CFAP54: variants seen among roughly 807,000 people sequenced by gnomAD.
CFAP54 encodes the protein cilia and flagella associated protein 54, also known as cilia- and flagella-associated protein 54.
Under a neutral mutation model 370.4 loss-of-function variants are expected in CFAP54, and 290 were observed. The observed-to-expected ratio is 0.78, with a 90% CI of 0.71 to 0.86. CFAP54 has a LOEUF of 0.86. Among genes scored for constraint, CFAP54 ranks in the 40% least tolerant of loss-of-function variants. The pLI is 0.00. For synonymous variants in CFAP54, 1,206 were observed against 1,236.5 expected, an observed-to-expected ratio of 0.98 and a Z score of 0.52; for missense variants, 3,399 against 3,528.7, an observed-to-expected ratio of 0.96 and a Z score of 0.93.
intron 22 of CFAP54, among the ~76,000 whole-genome samples, chr12:96,587,605 C>G (rs1390160270): frequency 1.3e-5 from 2 of 152,086 alleles, no homozygotes; most frequent in African/African-American, 4.8e-5. Context: ...ATTTTATAAA[C>G]CTTAATTTTA....
chr12:96,675,224 C>T (rs1467258713), intron 39 of CFAP54, among the ~76,000 whole-genome samples: 1 of 152,116 alleles, frequency 6.6e-6, no homozygotes, highest in African/African-American at 2.4e-5. Context: ...CTACAATGAA[C>T]TCAAACAAAT....
intron 1 of CFAP54, among the ~76,000 whole-genome samples, chr12:96,496,691 A>G (rs1205881674): frequency 1.3e-5 from 2 of 151,862 alleles, no homozygotes; most frequent in South Asian, 2.1e-4. Context: ...CAACATATGA[A>G]TTGGGGGGCA....
At chr12:96,572,211 G>A (rs760070141) in intron 19 of CFAP54, among the ~76,000 whole-genome samples, 11 of 152,142 alleles carry the variant, frequency 7.2e-5, no homozygotes, top group Non-Finnish European at 1.2e-4. Context: ...AGAGGGTGTG[G>A]ACAGGCAAGT....
intron 26 of CFAP54, 93 bp from the exon 27 acceptor site, chr12:96,621,497 T>C: frequency 2.2e-6 from 2 of 913,532 alleles, no homozygotes; most frequent in Non-Finnish European, 3.0e-6. Context: ...CTGAAAACTC[T>C]ATGGGGCTTT....
intron 34 of CFAP54, among the ~76,000 whole-genome samples, chr12:96,648,949 T>C (rs1206916168): frequency 1.3e-5 from 2 of 152,176 alleles, no homozygotes; most frequent in South Asian, 4.1e-4. Context: ...CCTGACTAAT[T>C]TCCACACCCC....
At chr12:96,512,345 A>ATG (rs1955182057) in intron 4 of CFAP54, among the ~76,000 whole-genome samples, 1 of 72,064 alleles carries the variant, frequency 1.4e-5, no homozygotes, top group East Asian at 3.4e-4. Flanking sequence ...ATATATATAT[A>ATG]TATATGTATA....
chr12:96,796,549 A>G (rs1310498000), intron 63 of CFAP54, among the ~76,000 whole-genome samples: 3 of 152,144 alleles, frequency 2.0e-5, no homozygotes, highest in South Asian at 4.1e-4. Flanking sequence ...AAGCAATAGT[A>G]CTAGTGTACT....
chr12:96,762,776 T>G (rs1958353580), intron 58 of CFAP54, among the ~76,000 whole-genome samples: 1 of 152,140 alleles, frequency 6.6e-6, no homozygotes, highest in Non-Finnish European at 1.5e-5. Context: ...TTAGGGTTTT[T>G]TTTTTCTTTT....
At chr12:96,517,443 C>T (rs1955249001) in intron 5 of CFAP54, among the ~76,000 whole-genome samples, 1 of 152,008 alleles carries the variant, frequency 6.6e-6, no homozygotes, top group East Asian at 1.9e-4. Context: ...TACCAGGAGT[C>T]CTGAAGGATT....
At chr12:96,797,252 T>C (rs1411825584) in intron 63 of CFAP54, among the ~76,000 whole-genome samples, 1 of 151,930 alleles carries the variant, frequency 6.6e-6, no homozygotes, top group East Asian at 1.9e-4. Flanking sequence ...CAGGAAAGTG[T>C]TAATTGTGTA....
rs1281457323 is a variant in CFAP54 at position 96,501,052 on chromosome 12, AAAAT to A, written c.423+118_423+121del. On this transcript the variant is annotated intron_variant, in intron 2 of 67. Transcript: ENST00000524981. ...CATGTTTTGATTTTTCTCTTAGAAAAAAATAAATGAGTACATAAAAATTTTAATA... is the reference window on the plus strand; with the variant it reads ...CATGTTTTGATTTTTCTCTTAGAAAAAAATGAGTACATAAAAATTTTAATA... 97 of 580,010 alleles carry A rather than the reference AAAAT, an allele frequency of 1.7e-4. No homozygotes were observed. In the East Asian group the frequency reaches 3.1e-3, roughly 18 times the overall value. 35.9% of individuals were successfully genotyped at this position (580,010 alleles called of 1,614,324 possible). A position where few individuals can be genotyped will look rare whatever the true frequency, so the allele number is the denominator to read the frequency against.
chr12:96,551,491 G>A (rs1002599557), intron 15 of CFAP54, among the ~76,000 whole-genome samples: 1 of 144,578 alleles, frequency 6.9e-6, no homozygotes, highest in Non-Finnish European at 1.5e-5. Flanking sequence ...GGGTATGTGT[G>A]TGTGTGTGTG....
intron 45 of CFAP54, among the ~76,000 whole-genome samples, chr12:96,694,557 C>T (rs1592712275): frequency 6.6e-6 from 1 of 152,000 alleles, no homozygotes; most frequent in African/African-American, 2.4e-5. Flanking sequence ...GTGGACTTTA[C>T]TAAAAATTAG....
chr12:96,645,305 A>G (rs1956775831), intron 33 of CFAP54: 14 of 351,508 alleles, frequency 4.0e-5, no homozygotes, highest in South Asian at 2.9e-4. Flanking sequence ...TACACCAATA[A>G]CAGACAAACA....
intron 25 of CFAP54, among the ~76,000 whole-genome samples, chr12:96,596,367 T>C (rs1956179050): frequency 6.6e-6 from 1 of 152,044 alleles, no homozygotes; most frequent in Admixed American, 6.6e-5. Context: ...ATTGTATTGT[T>C]TGGAATTGGA....
intron 6 of CFAP54, 58 bp from the exon 7 acceptor site, chr12:96,521,799 A>T: frequency 7.9e-7 from 1 of 1,263,916 alleles, no homozygotes; most frequent in Non-Finnish European, 1.1e-6. Context: ...CATTGTCTTT[A>T]TACATTTTAA....
At chr12:96,513,952 T>G (rs572779343) in intron 5 of CFAP54, among the ~76,000 whole-genome samples, 18 of 152,274 alleles carry the variant, frequency 1.2e-4, no homozygotes, top group African/African-American at 4.1e-4. Context: ...ATAATAAGAT[T>G]CTTACTTACC....
chr12:96,765,171 A>G lies in CFAP54; in HGVS notation c.8234A>G (p.Glu2745Gly). Reference sequence around the variant, plus strand: ...CAAGTGGCATTACCAAATATCCCAGAATTTGCTGCTCTGGATCTTTTGTCT... The same window carrying G: ...CAAGTGGCATTACCAAATATCCCAGGATTTGCTGCTCTGGATCTTTTGTCT... ...VNQVALPNIP[E>G]FAALDLLSSY... The change falls in exon 60 of 68, where the codon GAA becomes GGA. Residue 2745 changes from glutamate (E) to glycine (G), a missense_variant. Physicochemically the swap from Glu to Gly is moderately conservative, Grantham distance 98 (BLOSUM62 -2). Transcript: ENST00000524981. The G allele has an allele frequency of 6.5e-7, 1 of 1,543,034 alleles. No individual in the cohort carries two copies. Among genetic ancestry groups the G allele is most frequent in the Non-Finnish European group, 8.8e-7 (1 of 1,132,022 alleles).
intron 25 of CFAP54, among the ~76,000 whole-genome samples, chr12:96,597,688 A>G (rs567476421): frequency 8.6e-5 from 13 of 151,926 alleles, no homozygotes; most frequent in African/African-American, 3.1e-4. Flanking sequence ...GTTGTCCAAA[A>G]ACCATGTCTG....
Sources: gnomAD v4.1 joint callset for allele counts (sites outside exome capture counted in the v4.1 genomes callset) on GRCh38, gnomAD v4.1.1 for gene constraint, MANE v1.5 for transcripts, NCBI Gene and HGNC (gene_info 2026-07-23, HGNC 2026-07-21) for gene names.